The following PVR variants were observed in gnomAD, a reference collection of about 807,000 sequenced individuals.
The protein encoded by PVR is poliovirus receptor.
Under a neutral mutation model 43.3 loss-of-function variants are expected in PVR, and 39 were observed. The observed-to-expected ratio is 0.90, with a 90% confidence interval of 0.70 to 1.18. PVR has a LOEUF of 1.18. Ranked by LOEUF, PVR falls within the 50% of genes most tolerant of loss-of-function variation. The probability of loss-of-function intolerance (pLI) is 0.00; values close to 1 mark genes in which losing one functional copy is unlikely to be tolerated. For missense variants in PVR, 480 were observed against 549.7 expected (o/e 0.87, Z 1.27); for synonymous variants, 224 against 233.2 (o/e 0.96, Z 0.36).
chr19:44,648,735 C>G lies in PVR; in HGVS notation c.428-1074C>G, dbSNP rs970930188. On this transcript the variant is annotated intron_variant, in intron 2 of 7. Coordinates refer to ENST00000425690, the MANE Select transcript of PVR (RefSeq NM_006505.5). ...ATTCCAAGCCTGTGCATGAGAAACT[C>G]ATGAAATGTCAAGGGCTTGGAACTG... Among the ~76,000 whole-genome samples the G allele has an allele frequency of 2.6e-5, 4 of 152,260 alleles. No homozygotes were observed. In the East Asian group the frequency reaches 7.7e-4, roughly 29 times the overall value.
chr19:44,651,831 T>A (rs1220564800), intron 3 of PVR, among the ~76,000 whole-genome samples: 1 of 152,218 alleles, frequency 6.6e-6, no homozygotes, highest in African/African-American at 2.4e-5. Context: ...TATAGGATTT[T>A]AAATTCTCCA....
At position 44,662,230 on chromosome 19, in the gene PVR, GC is replaced by G; in HGVS notation, c.*420del. The G allele has an allele frequency of 5.3e-6, 1 of 188,652 alleles. No individual in the cohort carries two copies. The highest frequency in any genetic ancestry group is 1.2e-4 in the South Asian group (1 of 8,066). 11.7% of individuals were successfully genotyped at this position (188,652 alleles called of 1,614,324 possible). On this transcript the variant is annotated 3_prime_UTR_variant, in exon 8 of 8. Transcript: ENST00000425690. ...AGTACTGCCAATACTGCCAACCAGA[GC>G]AGCTCACTCGAGATCTTTGTGTCCA...
chr19:44,663,185 T>G lies in PVR; in HGVS notation c.*1374T>G, dbSNP rs74994221. 4,224 of 152,410 alleles carry G rather than the reference T, an allele frequency of 0.028. 77 individuals carry two copies. The highest frequency in any genetic ancestry group is 0.051 in the Middle Eastern group (15 of 296). 9.4% of individuals were successfully genotyped at this position (152,410 alleles called of 1,614,324 possible). On this transcript the variant is annotated 3_prime_UTR_variant, in exon 8 of 8. Coordinates refer to ENST00000425690, the MANE Select transcript of PVR (RefSeq NM_006505.5). ...CGACCCAAGACCCAGGAGGCCCAGC[T>G]GCTCAGTGCAACTGACAAGTTAAAA...
chr19:44,653,056 C>T (rs930381426), intron 3 of PVR, among the ~76,000 whole-genome samples: 2 of 152,150 alleles, frequency 1.3e-5, no homozygotes, highest in African/African-American at 2.4e-5. Context: ...ATCATCTACA[C>T]TGGCTCATCC....
At chr19:44,647,900 C>T (rs1973175541) in intron 2 of PVR, among the ~76,000 whole-genome samples, 1 of 151,978 alleles carries the variant, frequency 6.6e-6, no homozygotes, top group African/African-American at 2.4e-5. Context: ...CCTGGGTGGC[C>T]TCTTCTGGGT....
Position 44,645,220 on chromosome 19 carries a change from ATAT to A in PVR, c.79+1052_79+1054del, listed in dbSNP as rs201222147. Among the ~76,000 whole-genome samples, 9 of 78,012 alleles carry A rather than the reference ATAT, an allele frequency of 1.2e-4. 1 individual carries two copies. Among genetic ancestry groups the A allele is most frequent in the Non-Finnish European group, 1.4e-4 (6 of 42,860 alleles). The allele number at this position is 78,012 out of a possible 152,430, so 51.2% of individuals were successfully genotyped here. A position where few individuals can be genotyped will look rare whatever the true frequency, so the allele number is the denominator to read the frequency against. ...ATAATATGTATATTATATATTATATATATTATTATAATATATAATATGTATTAT... is the reference window on the plus strand; with the variant it reads ...ATAATATGTATATTATATATTATATATATTATAATATATAATATGTATTAT... On this transcript the variant is annotated intron_variant, in intron 1 of 7. Coordinates refer to ENST00000425690, the MANE Select transcript of PVR (RefSeq NM_006505.5).
At position 44,662,246 on chromosome 19, in the gene PVR, C is replaced by A. The variant is rs143747241; in HGVS notation, c.*435C>A. On this transcript the variant is annotated 3_prime_UTR_variant, in exon 8 of 8. Coordinates refer to ENST00000425690, the MANE Select transcript of PVR (RefSeq NM_006505.5). The stretch of plus-strand genomic sequence containing the variant: ...CCAACCAGAGCAGCTCACTCGAGAT[C>A]TTTGTGTCCAGAGTTTTTTGTTTGT... The A allele has an allele frequency of 5.7e-6, 1 of 176,626 alleles. No homozygotes were observed. The highest frequency in any genetic ancestry group is 5.4e-5 in the Admixed American group (1 of 18,366). The allele number at this position is 176,626 out of a possible 1,614,324, so 10.9% of individuals were successfully genotyped here. A position where few individuals can be genotyped will look rare whatever the true frequency, so the allele number is the denominator to read the frequency against.
intron 1 of PVR, among the ~76,000 whole-genome samples, chr19:44,645,456 G>T (rs141512240): frequency 0.021 from 2,269 of 107,546 alleles, 46 homozygotes; most frequent in Middle Eastern, 0.041. Flanking sequence ...GTGCGTGTGT[G>T]CGTGTATGTG....
At position 44,664,501 on chromosome 19, in the gene PVR, C is replaced by T. The variant is rs966920705; in HGVS notation, c.*2690C>T. ...GCGCTAGGATTACAGATGTGAGCCA[C>T]CGCGCCCACCCTGAACCTTACTTTT... On this transcript the variant is annotated 3_prime_UTR_variant, in exon 8 of 8. Transcript: ENST00000425690. 4.6e-5 allele frequency: 7 copies of T among 151,646 alleles called. No individual in the cohort carries two copies. The highest frequency in any genetic ancestry group is 2.1e-4 in the South Asian group (1 of 4,784). 9.4% of individuals were successfully genotyped at this position (151,646 alleles called of 1,614,324 possible).
chr19:44,644,851 G>A (rs2123740855), intron 1 of PVR, among the ~76,000 whole-genome samples: 2 of 148,136 alleles, frequency 1.4e-5, no homozygotes, highest in South Asian at 4.2e-4. Flanking sequence ...GAGTAGCTCG[G>A]ATTACAGACA....
Position 44,650,157 on chromosome 19 carries a change from C to T in PVR, c.724+52C>T, listed in dbSNP as rs372070132. On this transcript the variant is annotated intron_variant, in intron 3 of 7. Coordinates refer to ENST00000425690, the MANE Select transcript of PVR (RefSeq NM_006505.5). Reference sequence around the variant, plus strand: ...AAGAACCCCTGCCGGGCTGCCCCCACCACTGTCTACACTGACTCCCCAAGG... The same window carrying T: ...AAGAACCCCTGCCGGGCTGCCCCCATCACTGTCTACACTGACTCCCCAAGG... 3.1e-4 allele frequency: 456 copies of T among 1,474,534 alleles called. 1 individual carries two copies. The African/African-American group carries it at 5.4e-3, about 18-fold the overall frequency. The allele number at this position is 1,474,534 out of a possible 1,614,324, so 91.3% of individuals were successfully genotyped here.
At chr19:44,649,324 C>T (rs1342915310) in intron 2 of PVR, among the ~76,000 whole-genome samples, 2 of 152,066 alleles carry the variant, frequency 1.3e-5, no homozygotes, top group Non-Finnish European at 2.9e-5. Flanking sequence ...GTGATCCCAT[C>T]ACTATCCCCT....
chr19:44,647,960 G>A (rs1218424612), intron 2 of PVR, among the ~76,000 whole-genome samples: 3 of 152,100 alleles, frequency 2.0e-5, no homozygotes, highest in South Asian at 4.1e-4. Flanking sequence ...CATCACCCTT[G>A]GAAAGCTGTC....
Position 44,657,803 on chromosome 19 carries a change from C to T in PVR, c.884C>T (p.Ala295Val). ...CCACCCTTTGCTGTGGCCCAGGGCG[C>T]CCAGCTCCTGATCCGTCCTGTGGAC... ...PLPPFAVAQG[A>V]QLLIRPVDKP... Residue 295 changes from alanine to valine, a missense_variant, in exon 5 of 8, where the codon GCC becomes GTC. Ala to Val is a moderately conservative substitution (Grantham distance 64). Coordinates refer to ENST00000425690, the MANE Select transcript of PVR (RefSeq NM_006505.5). 1.2e-6 allele frequency: 2 copies of T among 1,614,092 alleles called. No individual in the cohort carries two copies. Among genetic ancestry groups the T allele is most frequent in the Admixed American group, 3.3e-5 (2 of 60,004 alleles).
At chr19:44,647,606 C>CAG (rs768685991) in intron 2 of PVR, 36 bp downstream of exon 2, 135 of 1,541,816 alleles carry the variant, frequency 8.8e-5, no homozygotes, top group Non-Finnish European at 1.1e-4. Flanking sequence ...GAATGAAAGG[C>CAG]AGAGACTTGG....
chr19:44,664,495 G>A lies in PVR; in HGVS notation c.*2684G>A, dbSNP rs1323884212. On this transcript the variant is annotated 3_prime_UTR_variant, in exon 8 of 8. Coordinates refer to ENST00000425690, the MANE Select transcript of PVR (RefSeq NM_006505.5). ...CCCAAAGCGCTAGGATTACAGATGTGAGCCACCGCGCCCACCCTGAACCTT... is the reference window on the plus strand; with the variant it reads ...CCCAAAGCGCTAGGATTACAGATGTAAGCCACCGCGCCCACCCTGAACCTT... 6.6e-6 allele frequency: 1 copy of A among 151,126 alleles called. No homozygotes were observed. The highest frequency in any genetic ancestry group is 1.5e-5 in the Non-Finnish European group (1 of 67,854). 9.4% of individuals were successfully genotyped at this position (151,126 alleles called of 1,614,324 possible).
chr19:44,659,015 G>GGGGGAA, intron 6 of PVR, 115 bp downstream of exon 6: 2 of 975,272 alleles, frequency 2.1e-6, no homozygotes, highest in Non-Finnish European at 3.1e-6. Context: ...TCCCCCATTT[G>GGGGGAA]ACTGATGAGG....
chr19:44,648,282 G>A (rs1329254439), intron 2 of PVR, among the ~76,000 whole-genome samples: 1 of 152,126 alleles, frequency 6.6e-6, no homozygotes, highest in Admixed American at 6.5e-5. Context: ...GTCGGTTACT[G>A]TTACTTTATC....
At position 44,647,343 on chromosome 19, in the gene PVR, C is replaced by T. The variant is rs777822304; in HGVS notation, c.200C>T (p.Ala67Val). The T allele has an allele frequency of 8.7e-6, 14 of 1,613,322 alleles. No homozygotes were observed. Among genetic ancestry groups the T allele is most frequent in the East Asian group, 2.2e-5 (1 of 44,836 alleles). Residue 67 changes from alanine (A) to valine (V), a missense_variant, in exon 2 of 8, where the codon GCG (alanine) becomes GTG (valine). Coordinates refer to ENST00000425690, the MANE Select transcript of PVR (RefSeq NM_006505.5). ...ACGCATGTGTCACAGCTGACTTGGG[C>T]GCGGCATGGTGAATCTGGCAGCATG... ...EVTHVSQLTW[A>V]RHGESGSMAV...
Sources: allele counts gnomAD v4.1 joint callset (sites outside exome capture counted in the v4.1 genomes callset), GRCh38; gene constraint gnomAD v4.1.1; transcripts MANE v1.5; gene names NCBI Gene and HGNC (gene_info 2026-07-23, HGNC 2026-07-21).